Variants in MKLN1 observed in about 807,000 individuals in gnomAD.
MKLN1 encodes muskelin.
Under a neutral mutation model 99.0 loss-of-function variants are expected in MKLN1, and 18 were observed. The ratio of observed to expected loss-of-function variants is 0.18; its 90% CI spans 0.13 to 0.27. MKLN1 has a LOEUF of 0.27. Among genes scored for constraint, MKLN1 ranks in the 10% least tolerant of loss-of-function variants. The pLI, the probability that MKLN1 is intolerant of heterozygous loss-of-function variation, is 1.00. For synonymous variants in MKLN1, 288 were observed against 293.2 expected, an observed-to-expected ratio of 0.98 and a Z score of 0.18; for missense variants, 621 against 875.9, an observed-to-expected ratio of 0.71 and a Z score of 3.67.
intron 1 of MKLN1, among the ~76,000 whole-genome samples, chr7:131,124,983 A>C (rs185918766): frequency 6.6e-5 from 10 of 152,294 alleles, no homozygotes; most frequent in Admixed American, 2.0e-4. Flanking sequence ...GCCCAGATCC[A>C]AGCTGGTTTC....
At chr7:131,349,706 G>T (rs977328557) in intron 1 of MKLN1, among the ~76,000 whole-genome samples, 11 of 152,158 alleles carry the variant, frequency 7.2e-5, no homozygotes. Flanking sequence ...GAGATATTCA[G>T]CAATTGAGGA....
At chr7:131,346,458 G>T (rs1325107003) in intron 1 of MKLN1, among the ~76,000 whole-genome samples, 1 of 151,762 alleles carries the variant, frequency 6.6e-6, no homozygotes, top group African/African-American at 2.4e-5. Flanking sequence ...GGAGGCGGAG[G>T]TTGCAGTGAG....
intron 4 of MKLN1, among the ~76,000 whole-genome samples, chr7:131,396,894 C>G (rs897122089): frequency 6.6e-6 from 1 of 152,168 alleles, no homozygotes; most frequent in Admixed American, 6.5e-5. Flanking sequence ...GGTTGTGCCA[C>G]TGATAAATAA....
chr7:131,386,301 C>A (rs761334301), intron 2 of MKLN1, among the ~76,000 whole-genome samples: 15 of 152,104 alleles, frequency 9.9e-5, no homozygotes, highest in African/African-American at 1.4e-4. Context: ...TGTGAGCCAC[C>A]GCACCCGGCC....
At chr7:131,360,310 T>C (rs907155860) in intron 1 of MKLN1, among the ~76,000 whole-genome samples, 2 of 152,212 alleles carry the variant, frequency 1.3e-5, no homozygotes, top group Non-Finnish European at 2.9e-5. Flanking sequence ...TATAATTGGA[T>C]TGATATCTAC....
chr7:131,268,461 A>C (rs538486158), intron 3 of MKLN1, among the ~76,000 whole-genome samples: 1 of 152,220 alleles, frequency 6.6e-6, no homozygotes, highest in Non-Finnish European at 1.5e-5. Flanking sequence ...GTCAAGGTCC[A>C]ATACGGATTG....
At chr7:131,128,219 A>AC (rs1291424511) in intron 1 of MKLN1, among the ~76,000 whole-genome samples, 1 of 131,048 alleles carries the variant, frequency 7.6e-6, no homozygotes. Context: ...AAAAAAAAAA[A>AC]AACAACAAAC....
chr7:131,222,731 T>G (rs1797077770), intron 3 of MKLN1, among the ~76,000 whole-genome samples: 1 of 151,976 alleles, frequency 6.6e-6, no homozygotes, highest in African/African-American at 2.4e-5. Flanking sequence ...AAAATACAAT[T>G]TCAGGCCGGG....
At chr7:131,144,735 T>G (rs1795792411) in intron 2 of MKLN1, among the ~76,000 whole-genome samples, 1 of 151,876 alleles carries the variant, frequency 6.6e-6, no homozygotes, top group African/African-American at 2.4e-5. Context: ...CTCAGCACTT[T>G]GAGAGGGCGA....
At chr7:131,289,889 C>T (rs1362576196) in intron 3 of MKLN1, among the ~76,000 whole-genome samples, 3 of 152,242 alleles carry the variant, frequency 2.0e-5, no homozygotes, top group Non-Finnish European at 4.4e-5. Context: ...GCAGGCCAAG[C>T]ACACTTCTGA....
At chr7:131,118,747 G>A (rs1017735403) in intron 1 of MKLN1, among the ~76,000 whole-genome samples, 4 of 152,180 alleles carry the variant, frequency 2.6e-5, no homozygotes, top group Non-Finnish European at 4.4e-5. Flanking sequence ...ACAGAAGAAA[G>A]AGAATGAAGG....
chr7:131,237,789 T>C (rs1455364694), intron 3 of MKLN1, among the ~76,000 whole-genome samples: 1 of 152,124 alleles, frequency 6.6e-6, no homozygotes, highest in East Asian at 1.9e-4. Flanking sequence ...AATTGACACA[T>C]GTTGACTATT....
chr7:131,110,609 C>G (rs1795179245), intron 1 of MKLN1, among the ~76,000 whole-genome samples: 1 of 152,178 alleles, frequency 6.6e-6, no homozygotes, highest in African/African-American at 2.4e-5. Flanking sequence ...GATGGGAAAC[C>G]TGCCCAACCT....
intron 12 of MKLN1, among the ~76,000 whole-genome samples, chr7:131,456,076 T>C (rs1204647343): frequency 6.6e-6 from 1 of 151,890 alleles, no homozygotes; most frequent in Non-Finnish European, 1.5e-5. Flanking sequence ...AAAGAAACTG[T>C]TAAAAATTGA....
At chr7:131,152,173 A>G (rs564993345) in intron 2 of MKLN1, among the ~76,000 whole-genome samples, 1 of 152,266 alleles carries the variant, frequency 6.6e-6, no homozygotes, top group South Asian at 2.1e-4. Flanking sequence ...AAATTAAAAA[A>G]TTAGCTGTAT....
At chr7:131,172,685 T>C (rs1017565686) in intron 2 of MKLN1, among the ~76,000 whole-genome samples, 7 of 152,218 alleles carry the variant, frequency 4.6e-5, no homozygotes, top group Admixed American at 2.0e-4. Context: ...AATCTACCTT[T>C]CTTGTACACC....
chr7:131,466,932 C>T (rs773462256), intron 15 of MKLN1, among the ~76,000 whole-genome samples: 81 of 152,088 alleles, frequency 5.3e-4, no homozygotes, highest in Non-Finnish European at 9.0e-4. Flanking sequence ...CACGCGCGCG[C>T]GCGCACACAC....
chr7:131,391,141 CA>C (rs1341821410), intron 4 of MKLN1, among the ~76,000 whole-genome samples: 1 of 151,686 alleles, frequency 6.6e-6, no homozygotes, highest in Non-Finnish European at 1.5e-5. Context: ...TTTAGTTTGT[CA>C]TATTTTCTTC....
At chr7:131,157,079 A>G (rs1261259066) in intron 2 of MKLN1, among the ~76,000 whole-genome samples, 1 of 152,120 alleles carries the variant, frequency 6.6e-6, no homozygotes, top group African/African-American at 2.4e-5. Context: ...CAAATGTTCT[A>G]CTTGAGAAAT....
Sources: gnomAD v4.1 joint callset for allele counts (sites outside exome capture counted in the v4.1 genomes callset) on GRCh38, gnomAD v4.1.1 for gene constraint, MANE v1.5 for transcripts, NCBI Gene and HGNC (gene_info 2026-07-23, HGNC 2026-07-21) for gene names.